The following ZNF292 variants were observed in gnomAD, a reference collection of about 807,000 sequenced individuals.
ZNF292 encodes the protein 16 zinc-finger domain protein.
ZNF292 carries 26 observed loss-of-function variants against 217.9 expected under a neutral mutation model. The ratio of observed to expected loss-of-function variants is 0.12; its 90% CI spans 0.09 to 0.17. The LOEUF (loss-of-function observed/expected upper bound fraction) is 0.17, where lower values mean the gene tolerates loss of function less well. Ranked by LOEUF, ZNF292 falls within the 10% of genes least tolerant of loss-of-function variation. The pLI is 1.00. For synonymous variants in ZNF292, 1,257 were observed against 1,124.1 expected (o/e 1.12, Z -2.37); for missense variants, 2,904 against 3,175.2 (o/e 0.91, Z 2.05).
At chr6:87,206,508 C>A (rs963671815) in intron 1 of ZNF292, among the ~76,000 whole-genome samples, 5 of 152,052 alleles carry the variant, frequency 3.3e-5, no homozygotes, top group Non-Finnish European at 7.4e-5. Flanking sequence ...CATTGCCCCC[C>A]TTATATACTT....
chr6:87,257,615 A>G lies in ZNF292; in HGVS notation c.3986A>G (p.Asn1329Ser), dbSNP rs753752440. Residue 1329 changes from asparagine to serine, a missense_variant, in exon 8 of 8, where the codon AAC becomes AGC. Around this residue, in one of 15 missense-constraint regions of ZNF292, gnomAD observed 687 missense variants for 623.0 expected, o/e 1.10. Transcript: ENST00000369577. ...CCTTCACAAGTGAATGTTGCAAATA[A>G]CTTCAGTAGCACCAATGCCCAACAG... ...VFPSQVNVAN[N>S]FSSTNAQQSA... The G allele has an allele frequency of 8.7e-6, 14 of 1,607,862 alleles. No individual in the cohort carries two copies. The highest frequency in any genetic ancestry group is 4.4e-5 in the South Asian group (4 of 90,182).
chr6:87,235,337 T>G (rs2127826792), intron 5 of ZNF292, among the ~76,000 whole-genome samples: 1 of 152,216 alleles, frequency 6.6e-6, no homozygotes, highest in East Asian at 1.9e-4. Context: ...TCCCTGCCCT[T>G]AAGGTTCATC....
chr6:87,231,166 C>G (rs1773634354), intron 4 of ZNF292, among the ~76,000 whole-genome samples: 1 of 152,082 alleles, frequency 6.6e-6, no homozygotes, highest in Non-Finnish European at 1.5e-5. Flanking sequence ...GAGAAGTGAG[C>G]TTTCAATAGG....
intron 7 of ZNF292, among the ~76,000 whole-genome samples, chr6:87,252,232 A>G (rs1414021256): frequency 6.6e-6 from 1 of 151,432 alleles, no homozygotes; most frequent in African/African-American, 2.4e-5. Flanking sequence ...GCTCACTGCA[A>G]CCTCTGCCTC....
intron 5 of ZNF292, among the ~76,000 whole-genome samples, chr6:87,242,011 G>A (rs1047323231): frequency 2.0e-5 from 3 of 152,258 alleles, no homozygotes; most frequent in South Asian, 2.1e-4. Flanking sequence ...ATCATAAGTC[G>A]CAGACCATCT....
At chr6:87,187,545 C>T (rs1771700971) in intron 1 of ZNF292, among the ~76,000 whole-genome samples, 1 of 151,640 alleles carries the variant, frequency 6.6e-6, no homozygotes, top group African/African-American at 2.4e-5. Flanking sequence ...ATGGTGAAAC[C>T]CATCTCTACT....
chr6:87,239,734 C>T (rs1467339300), intron 5 of ZNF292, among the ~76,000 whole-genome samples: 3 of 141,042 alleles, frequency 2.1e-5, no homozygotes, highest in East Asian at 4.2e-4. Flanking sequence ...TGGGCAGAGG[C>T]GCTCCTCACA....
chr6:87,185,528 G>A (rs2127780297), intron 1 of ZNF292, among the ~76,000 whole-genome samples: 1 of 152,314 alleles, frequency 6.6e-6, no homozygotes, highest in African/African-American at 2.4e-5. Flanking sequence ...AACCCAGGCT[G>A]GAGTGCAGTG....
intron 1 of ZNF292, among the ~76,000 whole-genome samples, chr6:87,168,008 G>A (rs1770972348): frequency 6.6e-6 from 1 of 152,184 alleles, no homozygotes; most frequent in African/African-American, 2.4e-5. Context: ...CAGTAATGTT[G>A]TTTTACTTAC....
intron 1 of ZNF292, among the ~76,000 whole-genome samples, chr6:87,185,962 T>G (rs1771636270): frequency 6.6e-6 from 1 of 152,216 alleles, no homozygotes; most frequent in South Asian, 2.1e-4. Flanking sequence ...CAGAAATTCC[T>G]GAACCTAGTC....
intron 1 of ZNF292, among the ~76,000 whole-genome samples, chr6:87,203,805 A>G (rs948667572): frequency 6.6e-6 from 1 of 151,998 alleles, no homozygotes; most frequent in Non-Finnish European, 1.5e-5. Flanking sequence ...TGGTATGGGG[A>G]GTCAGAGCCA....
rs577003713 is a variant in ZNF292 at position 87,251,964 on chromosome 6, CT to C, written c.1021-2682del. On this transcript the variant is annotated intron_variant, in intron 7 of 7. Coordinates refer to ENST00000369577, the MANE Select transcript of ZNF292 (RefSeq NM_015021.3). ...AGAATAGAATGTCAGTGGAATTCCC[CT>C]TTTAAATAATTTTAGATGTGTCTTG... Among the ~76,000 whole-genome samples, 23 of 152,238 alleles carry C rather than the reference CT, an allele frequency of 1.5e-4. No homozygotes were observed. The South Asian group carries it at 3.9e-3, about 26-fold the overall frequency.
Position 87,211,610 on chromosome 6 carries a change from A to T in ZNF292, c.169-4293A>T, listed in dbSNP as rs75349388. On this transcript the variant is annotated intron_variant, in intron 1 of 7. Coordinates refer to ENST00000369577, the MANE Select transcript of ZNF292 (RefSeq NM_015021.3). ...ACTATAATTTACCTAATTACTGAAT[A>T]GGTAGTACATGTAAAGCTCTTAGAA... is the stretch of plus-strand genomic sequence containing the variant. 6.1e-3 allele frequency among the ~76,000 whole-genome samples: 923 copies of T among 152,320 alleles called. 14 individuals are homozygous for T. Among genetic ancestry groups the T allele is most frequent in the African/African-American group, 0.021 (888 of 41,558 alleles).
chr6:87,198,281 T>G (rs1322527873), intron 1 of ZNF292, among the ~76,000 whole-genome samples: 1 of 152,164 alleles, frequency 6.6e-6, no homozygotes, highest in African/African-American at 2.4e-5. Flanking sequence ...CTCAGCTCAC[T>G]GCAACCTCCG....
At chr6:87,233,222 A>C in intron 4 of ZNF292, 103 bp from the exon 5 acceptor site, 11 of 844,974 alleles carry the variant, frequency 1.3e-5, no homozygotes, top group Non-Finnish European at 1.1e-5. Context: ...AATTGAAAAA[A>C]AGCATTTTAG....
intron 4 of ZNF292, among the ~76,000 whole-genome samples, chr6:87,221,707 A>T (rs1173263142): frequency 6.6e-6 from 1 of 152,142 alleles, no homozygotes; most frequent in Non-Finnish European, 1.5e-5. Context: ...CTTCTTTTGT[A>T]GACTAAAAAC....
At chr6:87,183,143 T>C (rs1771520659) in intron 1 of ZNF292, among the ~76,000 whole-genome samples, 1 of 152,120 alleles carries the variant, frequency 6.6e-6, no homozygotes, top group African/African-American at 2.4e-5. Flanking sequence ...TAGTCATTTC[T>C]CCCCTGCAAT....
At position 87,257,890 on chromosome 6, in the gene ZNF292, C is replaced by G. The variant is rs772243884; in HGVS notation, c.4261C>G (p.Leu1421Val). The change falls in exon 8 of 8, where the codon CTT becomes GTT. Residue 1421 changes from leucine (L) to valine (V), a missense_variant. Around this residue, in one of 15 missense-constraint regions of ZNF292, gnomAD observed 622 missense variants for 573.1 expected, o/e 1.09. Coordinates refer to ENST00000369577, the MANE Select transcript of ZNF292 (RefSeq NM_015021.3). Reference sequence around the variant, plus strand: ...TCTACAGAGTAATGGACAGCCTTCTCTTCTTGCCAGCATGATTCTCTCCAC... The same window carrying G: ...TCTACAGAGTAATGGACAGCCTTCTGTTCTTGCCAGCATGATTCTCTCCAC... ...ELLQSNGQPS[L>V]LASMILSTNA... 1.9e-6 allele frequency: 3 copies of G among 1,613,890 alleles called. No individual in the cohort carries two copies. In the East Asian group the frequency reaches 6.7e-5, roughly 36 times the overall value.
At position 87,261,227 on chromosome 6, in the gene ZNF292, TTAA is replaced by T; in HGVS notation, c.7602_7604del (p.Asn2534del). ...CAAAAAGCAAGTAATTTGAAGAGAG[TTAA>T]TAAGGAAAAAAATGTCTCACAAAAT... On this transcript the variant is annotated inframe_deletion, in exon 8 of 8. Coordinates refer to ENST00000369577, the MANE Select transcript of ZNF292 (RefSeq NM_015021.3). The T allele has an allele frequency of 6.2e-7, 1 of 1,609,914 alleles. No individual in the cohort carries two copies.
Sources: gnomAD v4.1 joint callset for allele counts (sites outside exome capture counted in the v4.1 genomes callset) on GRCh38, gnomAD v4.1.1 for gene constraint, gnomAD v4.1.1 regional missense constraint, MANE v1.5 for transcripts, NCBI Gene and HGNC (gene_info 2026-07-23, HGNC 2026-07-21) for gene names.